Variants in LILRB1 observed in about 807,000 individuals in gnomAD.
LILRB1 encodes the protein leukocyte immunoglobulin like receptor B1.
Under a neutral mutation model 74.6 loss-of-function variants are expected in LILRB1, and 59 were observed. The ratio of observed to expected loss-of-function variants is 0.79; its 90% CI spans 0.64 to 0.98. The LOEUF is 0.98. Among genes scored for constraint, LILRB1 ranks in the 50% least tolerant of loss-of-function variants. The probability of loss-of-function intolerance (pLI) is 0.00; values close to 1 mark genes in which losing one functional copy is unlikely to be tolerated. For synonymous variants in LILRB1, 328 were observed against 333.9 expected, an observed-to-expected ratio of 0.98 and a Z score of 0.19; for missense variants, 804 against 822.6, an observed-to-expected ratio of 0.98 and a Z score of 0.28.
rs768539784 is a variant in LILRB1 at position 54,631,314 on chromosome 19, T to A, written c.70+8T>A. 6.8e-6 allele frequency: 11 copies of A among 1,613,222 alleles called. No individual in the cohort carries two copies. Among genetic ancestry groups the A allele is most frequent in the Middle Eastern group, 1.8e-4 (1 of 5,534 alleles). ...GGACCCACGTGCAGGCAGGTGAGTC[T>A]GTCCCCAGCTCTTCCAGGTCCCTCC... On this transcript the variant is annotated splice_region_variant and intron_variant, in intron 3 of 14. Transcript: ENST00000324602.
upstream of LILRB1, among the ~76,000 whole-genome samples, chr19:54,629,261 G>A (rs2063688767): frequency 6.6e-6 from 1 of 152,200 alleles, no homozygotes; most frequent in South Asian, 2.1e-4. Context: ...GCAGGTGTTG[G>A]TGCATGTAGC....
chr19:54,635,043 T>C lies in LILRB1; in HGVS notation c.1487-61T>C, dbSNP rs1015153482. ...GGTTTCCTTCCTTACCTTCGAGCTGTGTGTGCAGGGCAGGGGGCTCCAATG... is the reference window on the plus strand; with the variant it reads ...GGTTTCCTTCCTTACCTTCGAGCTGCGTGTGCAGGGCAGGGGGCTCCAATG... On this transcript the variant is annotated intron_variant, in intron 10 of 14. Transcript: ENST00000324602. The C allele has an allele frequency of 2.3e-5, 29 of 1,252,820 alleles. No homozygotes were observed. In the African/African-American group the frequency reaches 2.9e-4, roughly 12 times the overall value. The allele number at this position is 1,252,820 out of a possible 1,614,324, so 77.6% of individuals were successfully genotyped here.
chr19:54,625,692 C>A (rs61130541), upstream of LILRB1, among the ~76,000 whole-genome samples: 329 of 133,840 alleles, frequency 2.5e-3, 1 homozygote, highest in African/African-American at 8.9e-3. Context: ...ACCCCTTCCC[C>A]GTGTTAGGGA....
At chr19:54,624,057 C>G (rs1319896421) in intron 1 of LILRB1, among the ~76,000 whole-genome samples, 1 of 152,142 alleles carries the variant, frequency 6.6e-6, no homozygotes, top group Non-Finnish European at 1.5e-5. Context: ...GAGGTGCTGA[C>G]TGTTGTTTCA....
At position 54,636,640 on chromosome 19, in the gene LILRB1, G is replaced by T. The variant is rs199541342; in HGVS notation, c.1800G>T (p.Gln600His). The change falls in exon 14 of 15, where the codon CAG (glutamine) becomes CAT (histidine). Residue 600 changes from glutamine to histidine, a missense_variant. Gln to His is a conservative substitution (Grantham distance 24). Coordinates refer to ENST00000324602, the MANE Select transcript of LILRB1 (RefSeq NM_001081637.3). ...ACAGACAGGCGGAAGAGGACAGGCA[G>T]ATGGACACTGAGGTGAGTCCTTTCC... ...TKDRQAEEDR[Q>H]MDTEAAASEA... 732 of 1,610,922 alleles carry T rather than the reference G, an allele frequency of 4.5e-4. 1 individual carries two copies. The highest frequency in any genetic ancestry group is 6.0e-4 in the Non-Finnish European group (713 of 1,179,056).
chr19:54,630,899 G>A (rs2063772753), intron 1 of LILRB1, 127 bp from the exon 2 acceptor site: 2 of 1,249,084 alleles, frequency 1.6e-6, no homozygotes, highest in Non-Finnish European at 1.1e-6. Context: ...CAGCCCTAAT[G>A]GAATGAGAGC....
rs144122253 is a variant in LILRB1, at chr19:54,630,988, C to T, written c.-48-38C>T. On this transcript the variant is annotated intron_variant, in intron 1 of 14. Transcript: ENST00000324602. ...CCCATGAGAAGAAGGACCCAGCCTCCGATTGGCCACACTCTGTGTGTCTCT... is the reference window on the plus strand; with the variant it reads ...CCCATGAGAAGAAGGACCCAGCCTCTGATTGGCCACACTCTGTGTGTCTCT... The T allele has an allele frequency of 1.1e-4, 182 of 1,613,988 alleles. 1 individual carries two copies. Among genetic ancestry groups the T allele is most frequent in the Admixed American group, 7.0e-4 (42 of 59,994 alleles).
rs2064293106 is a variant in LILRB1 at position 54,635,254 on chromosome 19, C to G, written c.1563-5C>G. ...CTGCCCCTAAAGCTCCCATTCTTCC[C>G]CCAGGTCCAGCCCAGCTGCCGATGC... On this transcript the variant is annotated splice_polypyrimidine_tract_variant and splice_region_variant and intron_variant, in intron 11 of 14. Transcript: ENST00000324602. 6.2e-7 allele frequency: 1 copy of G among 1,612,320 alleles called. No homozygotes were observed.
intron 1 of LILRB1, among the ~76,000 whole-genome samples, chr19:54,621,389 T>A (rs1401484920): frequency 2.0e-5 from 3 of 152,240 alleles, no homozygotes; most frequent in Admixed American, 6.5e-5. Flanking sequence ...AAGTTGATAC[T>A]CAGTGTGGTT....
chr19:54,630,702 A>G (rs776687234), intron 1 of LILRB1, 69 bp downstream of exon 1: 11 of 779,730 alleles, frequency 1.4e-5, no homozygotes, highest in African/African-American at 3.4e-5. Flanking sequence ...GGAGGCTGTG[A>G]GAAGGAAGGA....
At chr19:54,624,736 G>T (rs2063535750) in intron 1 of LILRB1, among the ~76,000 whole-genome samples, 1 of 152,164 alleles carries the variant, frequency 6.6e-6, no homozygotes, top group Admixed American at 6.5e-5. Flanking sequence ...CTGCTCCGGG[G>T]TTCAGATGCT....
intron 1 of LILRB1, 120 bp from the exon 2 acceptor site, chr19:54,630,906 G>A: frequency 2.0e-6 from 2 of 980,676 alleles, no homozygotes; most frequent in South Asian, 2.6e-5. Flanking sequence ...AATGGAATGA[G>A]AGCAAGGGTC....
chr19:54,635,278 G>A lies in LILRB1; in HGVS notation c.1582G>A (p.Ala528Thr), dbSNP rs534589866. The A allele has an allele frequency of 6.2e-7, 1 of 1,612,828 alleles. No individual in the cohort carries two copies. The highest frequency in any genetic ancestry group is 8.5e-7 in the Non-Finnish European group (1 of 1,178,946). ...CCCCAGGTCCAGCCCAGCTGCCGAT[G>A]CCCAGGAAGAAAACCTCTGTGAGTG... Reference protein sequence around the residue: ...LQWRSSPAADAQEENLYAAVK... With the variant: ...LQWRSSPAADTQEENLYAAVK... Residue 528 changes from alanine to threonine, a missense_variant, in exon 12 of 15, where the codon GCC becomes ACC. Physicochemically the swap from Ala to Thr is moderately conservative, Grantham distance 58. Transcript: ENST00000324602.
chr19:54,632,826 G>A (rs1415188084), intron 6 of LILRB1, 66 bp downstream of exon 6: 6 of 1,574,986 alleles, frequency 3.8e-6, no homozygotes, highest in Non-Finnish European at 4.3e-6. Context: ...GGGAGCTCAG[G>A]TAGTGATGGC....
rs748346818 is a variant in LILRB1, at chr19:54,633,014, A to C, written c.959-2A>C. On this transcript the variant is annotated splice_acceptor_variant, in intron 6 of 14. Coordinates refer to ENST00000324602, the MANE Select transcript of LILRB1 (RefSeq NM_001081637.3). LOFTEE classifies it high-confidence loss of function. ...CCCCTCGCCCATCCTTCTTCTCTCC[A>C]GGACAGTTCTATGACAGAGTCTCCC... is the stretch of plus-strand genomic sequence containing the variant. The C allele has an allele frequency of 1.2e-6, 2 of 1,612,870 alleles. No homozygotes were observed. Among genetic ancestry groups the C allele is most frequent in the South Asian group, 2.2e-5 (2 of 91,042 alleles).
intron 1 of LILRB1, among the ~76,000 whole-genome samples, chr19:54,622,830 G>A (rs965656294): frequency 1.3e-5 from 2 of 152,060 alleles, no homozygotes; most frequent in Non-Finnish European, 2.9e-5. Context: ...CTCTTATTTT[G>A]GGGTATGTTT....
Position 54,633,183 on chromosome 19 carries a change from CA to C in LILRB1, c.1131del (p.Lys377AsnfsTer11), listed in dbSNP as rs1568595084. 1.2e-6 allele frequency: 2 copies of C among 1,614,170 alleles called. No individual in the cohort carries two copies. The highest frequency in any genetic ancestry group is 4.5e-5 in the East Asian group (2 of 44,874). Reference sequence around the variant, plus strand: ...GCGTCTAAGATCAACGTACCAATCTCAAAAATACCAGGCTGAATTCCCCATG... The same window carrying C: ...GCGTCTAAGATCAACGTACCAATCTCAAAATACCAGGCTGAATTCCCCATG... ...PWRLRSTYQS[Q>X]KYQAEFPMGP... On this transcript the variant is annotated frameshift_variant, in exon 7 of 15. Transcript: ENST00000324602. LOFTEE classifies it high-confidence loss of function.
At chr19:54,627,564 T>A (rs1292663828), upstream of LILRB1, among the ~76,000 whole-genome samples, 9 of 152,104 alleles carry the variant, frequency 5.9e-5, no homozygotes, top group Non-Finnish European at 1.0e-4. Context: ...TTCTTTAGGA[T>A]GTCAGGAATT....
chr19:54,629,440 C>G (rs2063695477), upstream of LILRB1, among the ~76,000 whole-genome samples: 1 of 152,192 alleles, frequency 6.6e-6, no homozygotes. Context: ...GGAAGCACAT[C>G]CTTGAGATCC....
Sources: allele counts gnomAD v4.1 joint callset (sites outside exome capture counted in the v4.1 genomes callset), GRCh38; gene constraint gnomAD v4.1.1; transcripts MANE v1.5; gene names NCBI Gene and HGNC (gene_info 2026-07-23, HGNC 2026-07-21).